Variants in ADGRA3 observed in about 807,000 individuals in gnomAD.
ADGRA3 encodes adhesion G protein-coupled receptor A3.
A neutral mutation model predicts 119.8 loss-of-function variants in ADGRA3; 56 were observed. The observed-to-expected ratio is 0.47, with a 90% CI of 0.38 to 0.58. The LOEUF is 0.58. Ranked by LOEUF, ADGRA3 falls within the 20% of genes least tolerant of loss-of-function variation. The pLI is 0.00. For missense variants in ADGRA3, 1,516 were observed against 1,649.0 expected, an observed-to-expected ratio of 0.92 and a Z score of 1.40; for synonymous variants, 607 against 623.8, an observed-to-expected ratio of 0.97 and a Z score of 0.40.
chr4:22,415,708 G>A (rs1464486724), intron 12 of ADGRA3, among the ~76,000 whole-genome samples: 2 of 151,912 alleles, frequency 1.3e-5, no homozygotes, highest in Non-Finnish European at 2.9e-5. Context: ...TATTAGTAAC[G>A]ATAAATCAAA....
At chr4:22,449,846 CAA>C (rs35006609) in intron 4 of ADGRA3, among the ~76,000 whole-genome samples, 4,311 of 117,720 alleles carry the variant, frequency 0.037, 127 homozygotes, top group African/African-American at 0.088. Context: ...AACTCTGTCT[CAA>C]AAAAAAAAAA....
intron 1 of ADGRA3, among the ~76,000 whole-genome samples, chr4:22,502,454 G>A (rs905985464): frequency 6.6e-6 from 1 of 152,168 alleles, no homozygotes; most frequent in African/African-American, 2.4e-5. Flanking sequence ...TCATATGCTA[G>A]ACAGCAATAG....
chr4:22,501,641 T>G (rs1272215573), intron 1 of ADGRA3, among the ~76,000 whole-genome samples: 1 of 152,024 alleles, frequency 6.6e-6, no homozygotes, highest in Non-Finnish European at 1.5e-5. Flanking sequence ...TGCCACCACC[T>G]ACACTCCCCT....
At chr4:22,415,429 G>A (rs906573461) in intron 12 of ADGRA3, among the ~76,000 whole-genome samples, 2 of 151,992 alleles carry the variant, frequency 1.3e-5, no homozygotes, top group African/African-American at 4.8e-5. Context: ...GCATAAAAAG[G>A]TTCCTGCTAT....
At chr4:22,453,244 C>T (rs1717125012) in intron 4 of ADGRA3, among the ~76,000 whole-genome samples, 1 of 150,264 alleles carries the variant, frequency 6.7e-6, no homozygotes, top group African/African-American at 2.5e-5. Flanking sequence ...ATACAAAAAG[C>T]TCAAGAAGAG....
intron 17 of ADGRA3, among the ~76,000 whole-genome samples, chr4:22,392,254 G>A (rs1714162758): frequency 1.3e-5 from 2 of 152,160 alleles, no homozygotes; most frequent in Admixed American, 1.3e-4. Context: ...CCGATTATAT[G>A]GCCAATCCCC....
intron 4 of ADGRA3, among the ~76,000 whole-genome samples, chr4:22,452,926 TG>T (rs1717101659): frequency 6.6e-6 from 1 of 151,958 alleles, no homozygotes; most frequent in South Asian, 2.1e-4. Context: ...CAGCCAGGCG[TG>T]GTGGCTCACG....
At chr4:22,447,759 T>C (rs536388546) in intron 4 of ADGRA3, among the ~76,000 whole-genome samples, 1 of 152,312 alleles carries the variant, frequency 6.6e-6, no homozygotes, top group Non-Finnish European at 1.5e-5. Flanking sequence ...ATAAGAATTT[T>C]TCTGTCAAAT....
intron 11 of ADGRA3, 27 bp downstream of exon 11, chr4:22,424,164 A>C (rs2109041079): frequency 6.4e-7 from 1 of 1,573,284 alleles, no homozygotes. Context: ...TTTTTTTCTC[A>C]GGAGTCTATG....
At chr4:22,507,826 T>C (rs777808531) in intron 1 of ADGRA3, among the ~76,000 whole-genome samples, 2 of 152,204 alleles carry the variant, frequency 1.3e-5, no homozygotes, top group Non-Finnish European at 2.9e-5. Flanking sequence ...TCTATGCGTG[T>C]GTGTTTGCCA....
At chr4:22,447,876 T>G (rs1395494800) in intron 4 of ADGRA3, among the ~76,000 whole-genome samples, 5 of 151,870 alleles carry the variant, frequency 3.3e-5, no homozygotes, top group African/African-American at 1.2e-4. Context: ...TAAAAACAAA[T>G]AGAAAATAAA....
intron 1 of ADGRA3, among the ~76,000 whole-genome samples, chr4:22,491,638 A>C (rs1431349101): frequency 6.6e-6 from 1 of 152,106 alleles, no homozygotes; most frequent in East Asian, 1.9e-4. Flanking sequence ...CTTCAACAAG[A>C]ATCCTCAGGG....
chr4:22,420,747 T>C (rs967719634), intron 12 of ADGRA3, 139 bp downstream of exon 12: 48 of 829,248 alleles, frequency 5.8e-5, no homozygotes, highest in Non-Finnish European at 8.7e-5. Context: ...TAGTTTTCTT[T>C]AAAACAGTAG....
chr4:22,453,280 T>C (rs369241580), intron 4 of ADGRA3, among the ~76,000 whole-genome samples: 156 of 150,142 alleles, frequency 1.0e-3, no homozygotes, highest in African/African-American at 3.7e-3. Context: ...GAGATAGAAA[T>C]GTTTGCAGGG....
intron 14 of ADGRA3, among the ~76,000 whole-genome samples, chr4:22,411,769 T>C (rs1577331193): frequency 6.6e-6 from 1 of 152,150 alleles, no homozygotes; most frequent in East Asian, 1.9e-4. Context: ...CCTTTATATA[T>C]ACAAATATAC....
In ADGRA3 at chr4:22,424,333, T is replaced by A. The variant is rs1322694737; in HGVS notation, c.1463A>T (p.Asp488Val). The A allele has an allele frequency of 6.2e-7, 1 of 1,613,532 alleles. No homozygotes were observed. The highest frequency in any genetic ancestry group is 8.5e-7 in the Non-Finnish European group (1 of 1,179,672). Residue 488 changes from aspartate to valine, a missense_variant, in exon 11 of 19, where the codon GAC (aspartate) becomes GTC (valine). This residue lies in a region of ADGRA3 where 1,088 missense variants were observed against 1,107.1 expected (regional missense o/e 0.98). Transcript: ENST00000334304. ...KSKELGDVMVDIASNIMLADE... is the reference protein window; with the variant it reads ...KSKELGDVMVVIASNIMLADE... ...AGCCAACATGATGTTACTTGCAATG[T>A]CAACCATCACGTCACCTAGCTAGCA...
intron 1 of ADGRA3, among the ~76,000 whole-genome samples, chr4:22,480,637 G>C (rs1478765467): frequency 6.6e-6 from 1 of 152,022 alleles, no homozygotes; most frequent in East Asian, 1.9e-4. Flanking sequence ...ACTTGCACTT[G>C]TACAAAATAT....
At chr4:22,423,275 C>T (rs367670330) in intron 11 of ADGRA3, among the ~76,000 whole-genome samples, 1 of 151,820 alleles carries the variant, frequency 6.6e-6, no homozygotes, top group South Asian at 2.1e-4. Context: ...GCTGAGACTC[C>T]ATTTATTATT....
intron 1 of ADGRA3, among the ~76,000 whole-genome samples, chr4:22,494,023 T>G (rs1487008380): frequency 6.6e-6 from 1 of 151,674 alleles, no homozygotes; most frequent in Non-Finnish European, 1.5e-5. Flanking sequence ...ACCAACATGG[T>G]GAAACCCCGT....
Sources: gnomAD v4.1 joint callset for allele counts (sites outside exome capture counted in the v4.1 genomes callset) on GRCh38, gnomAD v4.1.1 for gene constraint, gnomAD v4.1.1 regional missense constraint, MANE v1.5 for transcripts, NCBI Gene and HGNC (gene_info 2026-07-23, HGNC 2026-07-21) for gene names.